The following FUT8 variants were observed in gnomAD, a reference collection of about 807,000 sequenced individuals.
FUT8 encodes fucosyltransferase 8.
FUT8 carries 29 observed loss-of-function variants against 71.3 expected under a neutral mutation model. That is an observed-to-expected ratio of 0.41 (90% CI 0.30 to 0.55). The LOEUF (loss-of-function observed/expected upper bound fraction) is 0.55, where lower values mean the gene tolerates loss of function less well. Among genes scored for constraint, FUT8 ranks in the 20% least tolerant of loss-of-function variants. FUT8 has a pLI of 0.34. For synonymous variants in FUT8, 254 were observed against 239.3 expected, an observed-to-expected ratio of 1.06 and a Z score of -0.57; for missense variants, 544 against 702.1, an observed-to-expected ratio of 0.77 and a Z score of 2.55.
intron 1 of FUT8, among the ~76,000 whole-genome samples, chr14:65,443,717 A>G (rs979846529): frequency 7.1e-4 from 55 of 77,012 alleles, no homozygotes; most frequent in Admixed American, 4.4e-3. Flanking sequence ...AGGACCTCTA[A>G]TAAAAAAAAA....
chr14:65,534,028 T>C (rs1203011943), intron 2 of FUT8, among the ~76,000 whole-genome samples: 5 of 152,222 alleles, frequency 3.3e-5, no homozygotes, highest in Non-Finnish European at 7.3e-5. Flanking sequence ...TTTGTTTCGC[T>C]AGTATTTTGT....
the FUT8 span, among the ~76,000 whole-genome samples, chr14:65,365,203 A>T: frequency 2.6e-5 from 4 of 152,150 alleles, no homozygotes; most frequent in Non-Finnish European, 4.4e-5. Flanking sequence ...CTAGACCCTC[A>T]GCTGCTTTGT....
At chr14:65,600,873 T>G (rs1222817759) in intron 3 of FUT8, among the ~76,000 whole-genome samples, 2 of 152,176 alleles carry the variant, frequency 1.3e-5, no homozygotes, top group Non-Finnish European at 2.9e-5. Context: ...TTGCCTTCTT[T>G]TAACACATTT....
chr14:65,384,391 G>T, the FUT8 span, among the ~76,000 whole-genome samples: 1 of 152,086 alleles, frequency 6.6e-6, no homozygotes, highest in African/African-American at 2.4e-5. The surrounding 1 kb of genome is among the most constrained non-coding windows in gnomAD (Gnocchi z 4.2). Context: ...GGGACTACAG[G>T]CATGCACCAC....
intron 2 of FUT8, among the ~76,000 whole-genome samples, chr14:65,464,983 T>C (rs1182872448): frequency 6.6e-6 from 1 of 152,194 alleles, no homozygotes; most frequent in African/African-American, 2.4e-5. Flanking sequence ...TTATTAATTA[T>C]TTATTCAGGT....
chr14:65,537,496 T>C (rs1884399286), intron 2 of FUT8, among the ~76,000 whole-genome samples: 1 of 152,190 alleles, frequency 6.6e-6, no homozygotes, highest in Admixed American at 6.5e-5. Flanking sequence ...CACGCCTTTC[T>C]CCTGTCTCAG....
At chr14:65,677,005 G>A (rs148630447) in intron 7 of FUT8, among the ~76,000 whole-genome samples, 53 of 152,074 alleles carry the variant, frequency 3.5e-4, no homozygotes, top group Non-Finnish European at 5.9e-4. Flanking sequence ...AATAAAGTCC[G>A]TGATCTTTAG....
At chr14:65,385,413 A>G in the FUT8 span, among the ~76,000 whole-genome samples, 207 of 152,332 alleles carry the variant, frequency 1.4e-3, no homozygotes, top group African/African-American at 4.8e-3. Flanking sequence ...TTCTGAATAG[A>G]AGTTATGCTT....
chr14:65,709,854 A>G (rs1594923754), intron 7 of FUT8, among the ~76,000 whole-genome samples: 1 of 152,146 alleles, frequency 6.6e-6, no homozygotes, highest in Non-Finnish European at 1.5e-5. Context: ...CTCTTCTACC[A>G]TGTAATAGGC....
chr14:65,733,217 A>T lies in FUT8; in HGVS notation c.1260-14A>T. The T allele has an allele frequency of 2.6e-6, 4 of 1,550,514 alleles. 1 individual carries two copies. The highest frequency in any genetic ancestry group is 3.4e-4 in the Middle Eastern group (2 of 5,922). On this transcript the variant is annotated splice_polypyrimidine_tract_variant and intron_variant, in intron 9 of 10. Coordinates refer to ENST00000673929, the MANE Select transcript of FUT8 (RefSeq NM_001371533.1). The stretch of plus-strand genomic sequence containing the variant: ...GATATCTATGACCATCTATAAATTA[A>T]TTTATTTTTTCAGGTACCCCAATTA...
chr14:65,729,285 G>A (rs923427976), intron 9 of FUT8, among the ~76,000 whole-genome samples: 3 of 151,910 alleles, frequency 2.0e-5, no homozygotes, highest in Non-Finnish European at 4.4e-5. Flanking sequence ...CCAAAGTGCC[G>A]GGATTACTGT....
At chr14:65,629,702 C>A in intron 6 of FUT8, 96 bp downstream of exon 6, 3 of 831,044 alleles carry the variant, frequency 3.6e-6, no homozygotes, top group Non-Finnish European at 3.9e-6. Context: ...GTCTTCCTGG[C>A]CCTTGAAAAT....
chr14:65,415,232 A>G (rs1449785613), intron 1 of FUT8, among the ~76,000 whole-genome samples: 2 of 152,204 alleles, frequency 1.3e-5, no homozygotes, highest in African/African-American at 4.8e-5. Context: ...TTGAACTTTT[A>G]AAACACCCAA....
chr14:65,482,182 C>CT (rs1198654376), intron 2 of FUT8, among the ~76,000 whole-genome samples: 1 of 151,980 alleles, frequency 6.6e-6, no homozygotes, highest in Non-Finnish European at 1.5e-5. Context: ...GATAGAAATT[C>CT]TTTTTTGGGG....
the FUT8 span, among the ~76,000 whole-genome samples, chr14:65,382,003 T>A: frequency 6.6e-6 from 1 of 152,226 alleles, no homozygotes. Context: ...CTGCAAGTAC[T>A]AAAACTGTGT....
Position 65,468,542 on chromosome 14 carries a change from C to T in FUT8, c.-228+12824C>T, listed in dbSNP as rs1026654954. Among the ~76,000 whole-genome samples the T allele has an allele frequency of 6.6e-5, 10 of 151,614 alleles. No individual in the cohort carries two copies. In the East Asian group the frequency reaches 1.4e-3, roughly 21 times the overall value. The stretch of plus-strand genomic sequence containing the variant: ...TTTTTTCTTTACCTCTTGCTTCTTT[C>T]GAGATATCTTATTGGTCTTAAAGTT... On this transcript the variant is annotated intron_variant, in intron 2 of 10. Coordinates refer to ENST00000673929, the MANE Select transcript of FUT8 (RefSeq NM_001371533.1).
intron 6 of FUT8, among the ~76,000 whole-genome samples, chr14:65,639,553 C>T (rs1351236069): frequency 6.6e-6 from 1 of 151,588 alleles, no homozygotes; most frequent in Non-Finnish European, 1.5e-5. Flanking sequence ...TGAAACTTCC[C>T]TACAATTCTT....
the FUT8 span, among the ~76,000 whole-genome samples, chr14:65,387,880 A>C: frequency 6.6e-6 from 1 of 152,232 alleles, no homozygotes; most frequent in Admixed American, 6.5e-5. Flanking sequence ...CATGACCACA[A>C]GTAGAAGTCG....
At chr14:65,434,243 C>A (rs771794995) in intron 1 of FUT8, among the ~76,000 whole-genome samples, 13 of 152,160 alleles carry the variant, frequency 8.5e-5, no homozygotes, top group Non-Finnish European at 1.9e-4. Flanking sequence ...GATCCAGGAA[C>A]TTAGATGCTG....
Sources: allele counts gnomAD v4.1 joint callset (sites outside exome capture counted in the v4.1 genomes callset), GRCh38; gene constraint gnomAD v4.1.1; non-coding constraint Gnocchi (gnomAD v3.1); transcripts MANE v1.5; gene names NCBI Gene and HGNC (gene_info 2026-07-23, HGNC 2026-07-21).